The following CAMTA1 variants were observed in gnomAD, a reference collection of about 807,000 sequenced individuals.
CAMTA1 encodes calmodulin binding transcription activator 1.
Under a neutral mutation model 170.9 loss-of-function variants are expected in CAMTA1, and 27 were observed. The observed-to-expected ratio is 0.16, with a 90% CI of 0.12 to 0.22. CAMTA1 has a LOEUF of 0.22. CAMTA1 is among the 10% of genes least tolerant of loss of function. The pLI is 1.00. For synonymous variants in CAMTA1, 833 were observed against 891.5 expected, an observed-to-expected ratio of 0.93 and a Z score of 1.17; for missense variants, 1,619 against 2,217.2, an observed-to-expected ratio of 0.73 and a Z score of 5.42.
At chr1:7,043,001 A>G (rs1704713263) in intron 3 of CAMTA1, among the ~76,000 whole-genome samples, 4 of 152,120 alleles carry the variant, frequency 2.6e-5, no homozygotes, top group Non-Finnish European at 5.9e-5. Context: ...CCACCCCCCA[A>G]GTTTCTTCAC....
chr1:7,177,131 CTCCCACACACCGAGGCTCT>C (rs1160529110), intron 4 of CAMTA1, among the ~76,000 whole-genome samples: 2 of 151,600 alleles, frequency 1.3e-5, no homozygotes, highest in Non-Finnish European at 2.9e-5. Flanking sequence ...ATGGAGGCTC[CTCCCACACACCGAGGCTCT>C]TCCCACATAC....
chr1:6,989,757 C>T (rs531021341), intron 3 of CAMTA1, among the ~76,000 whole-genome samples: 60 of 152,296 alleles, frequency 3.9e-4, no homozygotes, highest in South Asian at 8.3e-4. Flanking sequence ...GCTTCTGACT[C>T]TAGGAGGTCA....
At chr1:6,990,083 G>A (rs1414735702) in intron 3 of CAMTA1, among the ~76,000 whole-genome samples, 1 of 152,180 alleles carries the variant, frequency 6.6e-6, no homozygotes, top group Non-Finnish European at 1.5e-5. Flanking sequence ...GACGGGCTGG[G>A]AGGGGCAATC....
chr1:7,391,087 T>G (rs776808904), intron 5 of CAMTA1, among the ~76,000 whole-genome samples: 14 of 151,714 alleles, frequency 9.2e-5, no homozygotes, highest in Non-Finnish European at 1.5e-4. Context: ...AACCCCCACC[T>G]CCCAGGTTCA....
intron 4 of CAMTA1, among the ~76,000 whole-genome samples, chr1:7,207,001 C>T (rs377130566): frequency 9.9e-5 from 15 of 152,268 alleles, no homozygotes; most frequent in African/African-American, 2.9e-4. Flanking sequence ...AGAATGGCAA[C>T]GCTGCTTTCC....
At chr1:7,086,813 C>G (rs1640808162) in intron 3 of CAMTA1, among the ~76,000 whole-genome samples, 2 of 152,218 alleles carry the variant, frequency 1.3e-5, no homozygotes, top group Admixed American at 1.3e-4. Flanking sequence ...CTTCATTCAT[C>G]CATCTGCAGA....
intron 4 of CAMTA1, among the ~76,000 whole-genome samples, chr1:7,175,863 A>T (rs761852499): frequency 9.2e-5 from 14 of 152,180 alleles, no homozygotes; most frequent in Admixed American, 2.6e-4. Flanking sequence ...GGGTTTCAGA[A>T]AGGCTCTTTC....
rs116141797 is a variant in CAMTA1, at chr1:6,817,312, A to G, written c.46-2869A>G. Among the ~76,000 whole-genome samples, 1,150 of 152,352 alleles carry G rather than the reference A, an allele frequency of 7.5e-3. 2 individuals are homozygous for G. Among genetic ancestry groups the G allele is most frequent in the Non-Finnish European group, 0.012 (821 of 68,036 alleles). On this transcript the variant is annotated intron_variant, in intron 1 of 22. Coordinates refer to ENST00000303635, the MANE Select transcript of CAMTA1 (RefSeq NM_015215.4). ...GAAGCCAGGAAATGTTAAGCCTTGA[A>G]TGTAAGACATTATTTTTAACATCGT...
At chr1:6,809,995 C>T (rs188905905) in intron 1 of CAMTA1, among the ~76,000 whole-genome samples, 1 of 152,222 alleles carries the variant, frequency 6.6e-6, no homozygotes, top group East Asian at 1.9e-4. Context: ...AATGATTGAT[C>T]CAGTCCAAGA....
intron 6 of CAMTA1, among the ~76,000 whole-genome samples, chr1:7,518,065 A>G (rs780789595): frequency 6.6e-6 from 1 of 152,014 alleles, no homozygotes; most frequent in Non-Finnish European, 1.5e-5. Flanking sequence ...ACATATGAGT[A>G]GCTAAGTGGT....
intron 11 of CAMTA1, among the ~76,000 whole-genome samples, chr1:7,710,219 T>G (rs556545519): frequency 6.6e-6 from 1 of 152,216 alleles, no homozygotes; most frequent in African/African-American, 2.4e-5. Context: ...GCAAGACAGT[T>G]TATTGCTACT....
chr1:6,981,334 A>T (rs766306392), intron 3 of CAMTA1, among the ~76,000 whole-genome samples: 1 of 151,998 alleles, frequency 6.6e-6, no homozygotes, highest in Non-Finnish European at 1.5e-5. Context: ...AGAAGATGGT[A>T]ATTGCCCCAC....
intron 6 of CAMTA1, among the ~76,000 whole-genome samples, chr1:7,606,044 G>C (rs2095483873): frequency 6.6e-6 from 1 of 152,172 alleles, no homozygotes; most frequent in Non-Finnish European, 1.5e-5. Context: ...CACTGCCCCT[G>C]AGTCATGTGA....
intron 3 of CAMTA1, among the ~76,000 whole-genome samples, chr1:7,078,504 C>T (rs1366635295): frequency 6.6e-6 from 1 of 152,206 alleles, no homozygotes; most frequent in Non-Finnish European, 1.5e-5. Flanking sequence ...TCTGAGACAA[C>T]AATGACACCC....
intron 3 of CAMTA1, among the ~76,000 whole-genome samples, chr1:6,869,007 G>A (rs1667591695): frequency 6.6e-6 from 1 of 152,186 alleles, no homozygotes; most frequent in Non-Finnish European, 1.5e-5. Context: ...TCTTCCTTGA[G>A]CTAGACTAGC....
At chr1:7,692,337 T>G (rs2096325283) in intron 11 of CAMTA1, among the ~76,000 whole-genome samples, 1 of 152,094 alleles carries the variant, frequency 6.6e-6, no homozygotes, top group African/African-American at 2.4e-5. Flanking sequence ...AAAAGCACTT[T>G]TCTTCCTGGA....
intron 5 of CAMTA1, among the ~76,000 whole-genome samples, chr1:7,395,848 G>T (rs963630240): frequency 1.3e-5 from 2 of 152,098 alleles, no homozygotes; most frequent in African/African-American, 4.8e-5. Flanking sequence ...GGTAAATGGG[G>T]TTGTTTCTTG....
intron 3 of CAMTA1, among the ~76,000 whole-genome samples, chr1:6,868,625 ACTC>A (rs1667463872): frequency 6.7e-6 from 1 of 149,532 alleles, no homozygotes; most frequent in African/African-American, 2.5e-5. Context: ...TTAAAGTACT[ACTC>A]CTTGGTGTGG....
intron 5 of CAMTA1, among the ~76,000 whole-genome samples, chr1:7,406,247 T>C (rs952101609): frequency 6.6e-6 from 1 of 152,212 alleles, no homozygotes; most frequent in Non-Finnish European, 1.5e-5. Context: ...CCAAGAAGCA[T>C]GAACCAGCTT....
Sources: allele counts gnomAD v4.1 joint callset (sites outside exome capture counted in the v4.1 genomes callset), GRCh38; gene constraint gnomAD v4.1.1; transcripts MANE v1.5; gene names NCBI Gene and HGNC (gene_info 2026-07-23, HGNC 2026-07-21).